WDR89: variants seen among roughly 807,000 people sequenced by gnomAD.
The protein encoded by WDR89 is WD repeat-containing protein 89.
A neutral mutation model predicts 29.1 loss-of-function variants in WDR89; 17 were observed. The ratio of observed to expected loss-of-function variants is 0.58; its 90% CI spans 0.40 to 0.88. The LOEUF is 0.88. WDR89 is among the 40% of genes least tolerant of loss of function. The probability of loss-of-function intolerance (pLI) is 0.00; values close to 1 mark genes in which losing one functional copy is unlikely to be tolerated. For synonymous variants in WDR89, 138 were observed against 157.8 expected, an observed-to-expected ratio of 0.87 and a Z score of 0.94; for missense variants, 396 against 456.3, an observed-to-expected ratio of 0.87 and a Z score of 1.20.
At chr14:63,611,354 A>AG (rs1881978058) in intron 2 of WDR89, among the ~76,000 whole-genome samples, 1 of 151,178 alleles carries the variant, frequency 6.6e-6, no homozygotes, top group Admixed American at 6.6e-5. Context: ...AAAAAAAAAA[A>AG]AAAAAGCTTT....
chr14:63,608,668 A>G (rs1295113146), intron 2 of WDR89, among the ~76,000 whole-genome samples: 1 of 140,818 alleles, frequency 7.1e-6, no homozygotes. Context: ...TGGTGCATGC[A>G]CACACACACA....
intron 2 of WDR89, among the ~76,000 whole-genome samples, chr14:63,622,340 G>C (rs1484737386): frequency 6.6e-6 from 1 of 151,996 alleles, no homozygotes; most frequent in Non-Finnish European, 1.5e-5. Context: ...AGGACTTTGG[G>C]AGGCTGAGGC....
At chr14:63,628,299 A>T (rs1883195362) in intron 1 of WDR89, among the ~76,000 whole-genome samples, 1 of 152,374 alleles carries the variant, frequency 6.6e-6, no homozygotes, top group African/African-American at 2.4e-5. Flanking sequence ...AACTGTACTC[A>T]TAAAATATCT....
intron 1 of WDR89, among the ~76,000 whole-genome samples, chr14:63,629,971 G>A (rs1199834333): frequency 6.6e-6 from 1 of 151,824 alleles, no homozygotes; most frequent in Non-Finnish European, 1.5e-5. Flanking sequence ...TTCTTGAGAT[G>A]GAGTCTCGCC....
chr14:63,619,875 C>T (rs550205460), intron 2 of WDR89, among the ~76,000 whole-genome samples: 55 of 151,914 alleles, frequency 3.6e-4, no homozygotes, highest in African/African-American at 1.2e-3. Context: ...CATGGTAGCA[C>T]GTGCCTATAA....
chr14:63,623,685 CAG>C (rs1882851672), intron 2 of WDR89, among the ~76,000 whole-genome samples: 1 of 105,710 alleles, frequency 9.5e-6, no homozygotes, highest in Admixed American at 1.6e-4. Context: ...GCCTGGGAGA[CAG>C]AGTGAGACTC....
intron 2 of WDR89, among the ~76,000 whole-genome samples, chr14:63,609,092 C>G (rs1188622662): frequency 1.3e-5 from 2 of 150,032 alleles, no homozygotes; most frequent in Non-Finnish European, 3.0e-5. Context: ...AGCCTGGCAA[C>G]AGAGCAAAAC....
chr14:63,611,619 A>T (rs1163783316), intron 2 of WDR89, among the ~76,000 whole-genome samples: 3 of 152,082 alleles, frequency 2.0e-5, no homozygotes, highest in Non-Finnish European at 2.9e-5. Context: ...TGGTTATGTT[A>T]ACATTAGGGA....
At chr14:63,624,416 G>A (rs1278007515) in intron 2 of WDR89, among the ~76,000 whole-genome samples, 1 of 148,746 alleles carries the variant, frequency 6.7e-6, no homozygotes, top group African/African-American at 2.5e-5. Context: ...GTAGTGAGCC[G>A]AGATTGCATC....
chr14:63,639,665 T>G (rs546471751), intron 1 of WDR89, among the ~76,000 whole-genome samples: 3 of 152,296 alleles, frequency 2.0e-5, no homozygotes, highest in African/African-American at 7.2e-5. Flanking sequence ...TTCTACCAAG[T>G]AAATGAAAAT....
intron 2 of WDR89, among the ~76,000 whole-genome samples, chr14:63,615,004 C>T (rs1882217643): frequency 6.6e-6 from 1 of 152,138 alleles, no homozygotes; most frequent in African/African-American, 2.4e-5. Flanking sequence ...TCAGGAAAAG[C>T]ACAATTTTTA....
At chr14:63,637,803 G>C (rs951110902) in intron 1 of WDR89, among the ~76,000 whole-genome samples, 1 of 152,020 alleles carries the variant, frequency 6.6e-6, no homozygotes, top group Non-Finnish European at 1.5e-5. Flanking sequence ...GGACTTGGCC[G>C]GGGGAGGGGG....
chr14:63,611,499 G>A (rs1056212259), intron 2 of WDR89, among the ~76,000 whole-genome samples: 10 of 151,956 alleles, frequency 6.6e-5, no homozygotes, highest in African/African-American at 2.2e-4. Context: ...GGAAGACCTG[G>A]TGAAATCCAA....
intron 1 of WDR89, among the ~76,000 whole-genome samples, chr14:63,626,143 C>T (rs1456906546): frequency 2.0e-5 from 3 of 152,036 alleles, no homozygotes; most frequent in South Asian, 2.1e-4. Context: ...TGAGCCACCA[C>T]ACCCACCCAT....
chr14:63,630,037 T>C (rs1482694347), intron 1 of WDR89, among the ~76,000 whole-genome samples: 1 of 152,084 alleles, frequency 6.6e-6, no homozygotes, highest in Non-Finnish European at 1.5e-5. Context: ...AACTGCTGCC[T>C]CCCAGGTTCA....
chr14:63,611,747 G>A (rs1445414006), intron 2 of WDR89, among the ~76,000 whole-genome samples: 3 of 151,676 alleles, frequency 2.0e-5, no homozygotes, highest in Non-Finnish European at 4.4e-5. Flanking sequence ...TATTTTTTGA[G>A]ACAGGGTCTG....
rs1257872876 is a variant in WDR89 at position 63,599,085 on chromosome 14, T to G, written c.858A>C (p.Thr286=). Residue 286 remains threonine (T), a synonymous_variant, in exon 3 of 3, where the codon ACA becomes ACC. Transcript: ENST00000620954. The part of the protein sequence containing the change: ...YLIGGLYHEK[T]DTLHVIGGTN... ...TTCCTCCAATAACATGCAATGTGTC[T>G]GTCTTTTCATGATATAGGCCACCAA... 1 of 1,614,170 alleles carries G rather than the reference T, an allele frequency of 6.2e-7. No homozygotes were observed. The highest frequency in any genetic ancestry group is 1.1e-5 in the South Asian group (1 of 91,084).
At chr14:63,600,215 C>G (rs1345236332) in intron 2 of WDR89, among the ~76,000 whole-genome samples, 1 of 152,118 alleles carries the variant, frequency 6.6e-6, no homozygotes, top group Non-Finnish European at 1.5e-5. Context: ...AATTCACTAC[C>G]AGGAGTGGTG....
intron 2 of WDR89, among the ~76,000 whole-genome samples, chr14:63,619,662 A>C (rs1882551008): frequency 6.6e-6 from 1 of 152,138 alleles, no homozygotes; most frequent in Non-Finnish European, 1.5e-5. Context: ...AAAAATGTAA[A>C]GAAACTATAG....
Sources: allele counts gnomAD v4.1 joint callset (sites outside exome capture counted in the v4.1 genomes callset), GRCh38; gene constraint gnomAD v4.1.1; transcripts MANE v1.5; gene names NCBI Gene and HGNC (gene_info 2026-07-23, HGNC 2026-07-21).